PRKCA: variants seen among roughly 807,000 people sequenced by gnomAD.
PRKCA encodes the protein protein kinase C alpha type.
PRKCA carries 27 observed loss-of-function variants against 87.0 expected under a neutral mutation model. That is an observed-to-expected ratio of 0.31 (90% CI 0.23 to 0.43). PRKCA has a LOEUF of 0.43. Ranked by LOEUF, PRKCA falls within the 20% of genes least tolerant of loss-of-function variation. PRKCA has a pLI of 1.00. For synonymous variants in PRKCA, 329 were observed against 311.1 expected (o/e 1.06, Z -0.61); for missense variants, 518 against 852.3 (o/e 0.61, Z 4.88).
intron 8 of PRKCA, among the ~76,000 whole-genome samples, chr17:66,728,761 C>T (rs1460325643): frequency 1.3e-5 from 2 of 152,246 alleles, no homozygotes; most frequent in South Asian, 4.1e-4. Flanking sequence ...CCCACATCCC[C>T]TGACTGTGGT....
At chr17:66,414,610 A>G (rs1912025993) in intron 2 of PRKCA, among the ~76,000 whole-genome samples, 1 of 152,160 alleles carries the variant, frequency 6.6e-6, no homozygotes, top group South Asian at 2.1e-4. Flanking sequence ...ATAACCAAGG[A>G]TGTTTTTGCT....
chr17:66,412,189 A>G (rs1012755608), intron 2 of PRKCA, among the ~76,000 whole-genome samples: 3 of 151,856 alleles, frequency 2.0e-5, no homozygotes, highest in Non-Finnish European at 4.4e-5. Flanking sequence ...CTCCCACCTC[A>G]GCCTCCCAAG....
chr17:66,562,983 A>C lies in PRKCA; in HGVS notation c.288+66700A>C, dbSNP rs367863805. ...CCTTCTCTCTGATTTCTGGTTATAT[A>C]CCTATAACTGTAGCAGCTATTTCAT... On this transcript the variant is annotated intron_variant, in intron 3 of 16. Transcript: ENST00000413366. Among the ~76,000 whole-genome samples the C allele has an allele frequency of 1.2e-4, 19 of 152,104 alleles. No individual in the cohort carries two copies. In the East Asian group the frequency reaches 3.7e-3, roughly 29 times the overall value.
chr17:66,690,290 T>C (rs1036895247), intron 8 of PRKCA, among the ~76,000 whole-genome samples: 1 of 152,136 alleles, frequency 6.6e-6, no homozygotes, highest in Non-Finnish European at 1.5e-5. Context: ...GATTCACAGA[T>C]AATAAATGGC....
chr17:66,777,785 C>T (rs1306925603), intron 14 of PRKCA: 4 of 985,164 alleles, frequency 4.1e-6, no homozygotes, highest in Non-Finnish European at 4.8e-6. Flanking sequence ...GATCTGTTTC[C>T]GAGGGCGCTT....
In PRKCA at chr17:66,510,082, G is replaced by A. The variant is rs563909945; in HGVS notation, c.288+13799G>A. Among the ~76,000 whole-genome samples the A allele has an allele frequency of 8.5e-5, 13 of 152,210 alleles. 1 individual carries two copies. The highest frequency in any genetic ancestry group is 3.4e-3 in the Middle Eastern group (1 of 294). ...TTTTAGTTTCTATCTCTAGTGATAA[G>A]CAGAAAAGAGGGATGAGGAAGGGGC... On this transcript the variant is annotated intron_variant, in intron 3 of 16. Transcript: ENST00000413366.
At chr17:66,637,681 A>C (rs529346110) in intron 3 of PRKCA, among the ~76,000 whole-genome samples, 9 of 152,328 alleles carry the variant, frequency 5.9e-5, no homozygotes, top group Admixed American at 5.9e-4. Context: ...ACCTCGCACC[A>C]GTGACACACT....
Position 66,738,751 on chromosome 17 carries a change from C to A in PRKCA, c.1231-13C>A, listed in dbSNP as rs752139285. On this transcript the variant is annotated splice_polypyrimidine_tract_variant and intron_variant, in intron 10 of 16. Transcript: ENST00000413366. Reference sequence around the variant, plus strand: ...GGAGGAGCCCTGCTCATGTGTTGAACCTTGGTCTGCAGGATCGGCTGTACT... The same window carrying A: ...GGAGGAGCCCTGCTCATGTGTTGAAACTTGGTCTGCAGGATCGGCTGTACT... The A allele has an allele frequency of 1.9e-6, 3 of 1,611,630 alleles. No individual in the cohort carries two copies. Among genetic ancestry groups the A allele is most frequent in the Non-Finnish European group, 2.5e-6 (3 of 1,178,126 alleles).
At chr17:66,658,901 A>G (rs1192255492) in intron 5 of PRKCA, among the ~76,000 whole-genome samples, 3 of 152,306 alleles carry the variant, frequency 2.0e-5, no homozygotes, top group South Asian at 2.1e-4. Flanking sequence ...TTTCTTCACT[A>G]TGCCCACCAA....
intron 3 of PRKCA, among the ~76,000 whole-genome samples, chr17:66,517,819 G>A (rs993727953): frequency 1.3e-5 from 2 of 152,092 alleles, no homozygotes; most frequent in Middle Eastern, 3.2e-3. Flanking sequence ...TACTCATCAA[G>A]CTGTTTTTGC....
intron 3 of PRKCA, among the ~76,000 whole-genome samples, chr17:66,582,168 G>A (rs1969461702): frequency 6.6e-6 from 1 of 152,166 alleles, no homozygotes. Flanking sequence ...TATAGTAATT[G>A]CTGTTTCTCC....
At chr17:66,376,103 T>A (rs1178250415) in intron 2 of PRKCA, among the ~76,000 whole-genome samples, 1 of 152,192 alleles carries the variant, frequency 6.6e-6, no homozygotes, top group East Asian at 1.9e-4. Flanking sequence ...GGCAGGAAGC[T>A]TCAGCCTGAT....
chr17:66,612,575 A>G (rs775030763), intron 3 of PRKCA, among the ~76,000 whole-genome samples: 8 of 152,088 alleles, frequency 5.3e-5, no homozygotes, highest in Non-Finnish European at 1.0e-4. Context: ...TTTAATGCCT[A>G]TTAGGATGGG....
chr17:66,325,591 G>A (rs1007965806), intron 2 of PRKCA, among the ~76,000 whole-genome samples: 1 of 152,164 alleles, frequency 6.6e-6, no homozygotes, highest in African/African-American at 2.4e-5. Flanking sequence ...GGGGTAGAGT[G>A]TCCTATTCAT....
At chr17:66,762,450 C>G (rs898340042) in intron 13 of PRKCA, among the ~76,000 whole-genome samples, 1 of 152,200 alleles carries the variant, frequency 6.6e-6, no homozygotes. Context: ...AACCAACTTG[C>G]CCAAAGTCAC....
At chr17:66,530,991 G>T (rs1269908944) in intron 3 of PRKCA, among the ~76,000 whole-genome samples, 3 of 152,108 alleles carry the variant, frequency 2.0e-5, no homozygotes, top group Non-Finnish European at 4.4e-5. Flanking sequence ...GATTTTTTGG[G>T]ACACAAGGGC....
chr17:66,383,908 C>A (rs994650679), intron 2 of PRKCA, among the ~76,000 whole-genome samples: 7 of 151,862 alleles, frequency 4.6e-5, no homozygotes, highest in African/African-American at 1.7e-4. Flanking sequence ...CGAGATGGTG[C>A]CACTTCATTC....
intron 13 of PRKCA, among the ~76,000 whole-genome samples, chr17:66,757,833 T>C (rs552077201): frequency 6.6e-6 from 1 of 152,316 alleles, no homozygotes; most frequent in African/African-American, 2.4e-5. Flanking sequence ...CATACCATTC[T>C]CCTGCCTCAG....
intron 3 of PRKCA, among the ~76,000 whole-genome samples, chr17:66,554,278 A>G (rs1277449493): frequency 1.3e-5 from 2 of 152,102 alleles, no homozygotes; most frequent in South Asian, 2.1e-4. Context: ...TTATTTCTCA[A>G]AAAATAGCCT....
Sources: allele counts gnomAD v4.1 joint callset (sites outside exome capture counted in the v4.1 genomes callset), GRCh38; gene constraint gnomAD v4.1.1; transcripts MANE v1.5; gene names NCBI Gene and HGNC (gene_info 2026-07-23, HGNC 2026-07-21).